The following BLTP3B variants were observed in gnomAD, a reference collection of about 807,000 sequenced individuals.
The protein encoded by BLTP3B is UHRF1 (ICBP90) binding protein 1-like.
At chr12:100,070,235 T>C in the BLTP3B span, 1 of 1,521,366 alleles carries the variant, frequency 6.6e-7, no homozygotes, top group Non-Finnish European at 8.8e-7. Context: ...CAAAAGATTG[T>C]TGAAACATGA....
At chr12:100,063,926 A>C in the BLTP3B span, among the ~76,000 whole-genome samples, 1 of 152,154 alleles carries the variant, frequency 6.6e-6, no homozygotes, top group Non-Finnish European at 1.5e-5. Flanking sequence ...CAATGGACCC[A>C]AACCAAGAAG....
chr12:100,059,910 C>T, the BLTP3B span: 1 of 1,612,584 alleles, frequency 6.2e-7, no homozygotes, highest in Non-Finnish European at 8.5e-7. Flanking sequence ...AATTGTCATT[C>T]AACTTGTACA....
At chr12:100,042,646 A>G in the BLTP3B span, among the ~76,000 whole-genome samples, 1 of 152,200 alleles carries the variant, frequency 6.6e-6, no homozygotes, top group Non-Finnish European at 1.5e-5. Flanking sequence ...AGAAAACAGA[A>G]AAGTTGAACA....
At chr12:100,127,695 G>A in the BLTP3B span, among the ~76,000 whole-genome samples, 2 of 152,154 alleles carry the variant, frequency 1.3e-5, no homozygotes, top group African/African-American at 2.4e-5. Flanking sequence ...AGAAGAGAAT[G>A]CTGTAAAACC....
At chr12:100,066,803 CAA>C in the BLTP3B span, among the ~76,000 whole-genome samples, 1 of 136,646 alleles carries the variant, frequency 7.3e-6, no homozygotes. Context: ...GACTCCATCT[CAA>C]AAAAAAAAAA....
At chr12:100,086,370 AAAG>A in the BLTP3B span, 1 of 500,886 alleles carries the variant, frequency 2.0e-6, no homozygotes. Context: ...TGGGAAAAAA[AAAG>A]GGGGGGGGGG....
the BLTP3B span, among the ~76,000 whole-genome samples, chr12:100,131,452 G>C: frequency 1.3e-5 from 2 of 151,990 alleles, no homozygotes; most frequent in African/African-American, 4.8e-5. Flanking sequence ...AAAGAAGCCA[G>C]ATCTCTTTCT....
chr12:100,102,132 C>T, the BLTP3B span, among the ~76,000 whole-genome samples: 3 of 139,034 alleles, frequency 2.2e-5, no homozygotes, highest in African/African-American at 8.5e-5. Context: ...TTTTTTGAGA[C>T]GGAGTCTCGC....
chr12:100,067,026 C>T, the BLTP3B span, among the ~76,000 whole-genome samples: 38 of 152,210 alleles, frequency 2.5e-4, no homozygotes, highest in African/African-American at 7.9e-4. Context: ...TGGAAATCTA[C>T]TTCAAAGGAA....
At chr12:100,043,287 T>C in the BLTP3B span, among the ~76,000 whole-genome samples, 1 of 152,194 alleles carries the variant, frequency 6.6e-6, no homozygotes, top group African/African-American at 2.4e-5. Flanking sequence ...AAGGAAGAAG[T>C]TCAGCTTCCT....
At chr12:100,037,681 T>C in the BLTP3B span, 6 of 1,611,268 alleles carry the variant, frequency 3.7e-6, no homozygotes, top group Non-Finnish European at 5.1e-6. Flanking sequence ...GAGCATCTTT[T>C]TCCAAGTGAG....
chr12:100,082,749 T>C, the BLTP3B span, among the ~76,000 whole-genome samples: 1 of 129,184 alleles, frequency 7.7e-6, no homozygotes, highest in Non-Finnish European at 1.5e-5. Flanking sequence ...CATTGGTCTA[T>C]GCATCTGTTT....
chr12:100,070,982 G>C, the BLTP3B span, among the ~76,000 whole-genome samples: 1 of 151,962 alleles, frequency 6.6e-6, no homozygotes, highest in African/African-American at 2.4e-5. Context: ...AACAGAGCAA[G>C]AATCTGTCTC....
the BLTP3B span, chr12:100,097,282 G>C: frequency 7.1e-7 from 1 of 1,399,658 alleles, no homozygotes; most frequent in Non-Finnish European, 9.6e-7. Context: ...ATTTCCTATA[G>C]TTAACTAATA....
the BLTP3B span, chr12:100,058,365 T>C: frequency 1.1e-5 from 18 of 1,613,146 alleles, no homozygotes; most frequent in African/African-American, 2.7e-5. Flanking sequence ...TTTCCCTAAA[T>C]GTTTATCTGA....
the BLTP3B span, among the ~76,000 whole-genome samples, chr12:100,068,134 CT>C: frequency 6.6e-6 from 1 of 152,122 alleles, no homozygotes; most frequent in Non-Finnish European, 1.5e-5. Flanking sequence ...CAGCATGGTA[CT>C]GTATAAAAAT....
At chr12:100,072,391 T>C in the BLTP3B span, among the ~76,000 whole-genome samples, 1 of 152,118 alleles carries the variant, frequency 6.6e-6, no homozygotes. Flanking sequence ...ACTAGACTTA[T>C]GCACTATACA....
the BLTP3B span, among the ~76,000 whole-genome samples, chr12:100,104,488 A>G: frequency 6.6e-6 from 1 of 150,536 alleles, no homozygotes; most frequent in Middle Eastern, 3.2e-3. Flanking sequence ...ACAGGCACGC[A>G]CCACCATGCC....
chr12:100,078,803 A>G, the BLTP3B span, among the ~76,000 whole-genome samples: 2 of 152,184 alleles, frequency 1.3e-5, no homozygotes, highest in Non-Finnish European at 2.9e-5. Flanking sequence ...TGTCCCCACC[A>G]AAATCTCATC....
Sources: gnomAD v4.1 joint callset for allele counts (sites outside exome capture counted in the v4.1 genomes callset) on GRCh38, gnomAD v4.1.1 for gene constraint, MANE v1.5 for transcripts, NCBI Gene and HGNC (gene_info 2026-07-23, HGNC 2026-07-21) for gene names.